The following SPTAN1 variants were observed in gnomAD, a reference collection of about 807,000 sequenced individuals.
SPTAN1 encodes the protein spectrin alpha, non-erythrocytic 1.
SPTAN1 carries 61 observed loss-of-function variants against 331.3 expected under a neutral mutation model. That is an observed-to-expected ratio of 0.18 (90% CI 0.15 to 0.23). SPTAN1 has a LOEUF of 0.23. SPTAN1 is among the 10% of genes least tolerant of loss of function. The pLI is 1.00. For missense variants in SPTAN1, 2,043 were observed against 3,147.9 expected, an observed-to-expected ratio of 0.65 and a Z score of 8.40; for synonymous variants, 1,153 against 1,173.9, an observed-to-expected ratio of 0.98 and a Z score of 0.36.
At chr9:128,615,538 C>T (rs1428980699) in intron 40 of SPTAN1, 94 bp from the exon 41 acceptor site, 4 of 1,308,860 alleles carry the variant, frequency 3.1e-6, no homozygotes, top group Non-Finnish European at 3.3e-6. Flanking sequence ...AATATCAACA[C>T]TCCACATCTC....
rs555670579 is a variant in SPTAN1, at chr9:128,632,095, C to T, written c.6763-32C>T. ...GGCTGGTGACTGAGCTGAGGGCCCCCGTCTGAGCATCTGTGCTCCCCACCC... is the reference window on the plus strand; with the variant it reads ...GGCTGGTGACTGAGCTGAGGGCCCCTGTCTGAGCATCTGTGCTCCCCACCC... On this transcript the variant is annotated intron_variant, in intron 52 of 56. Transcript: ENST00000372739. 138 of 1,607,936 alleles carry T rather than the reference C, an allele frequency of 8.6e-5. 1 individual carries two copies. The East Asian group carries it at 1.7e-3, about 20-fold the overall frequency.
chr9:128,574,938 G>A (rs866537950), intron 4 of SPTAN1, 123 bp downstream of exon 4: 1 of 1,453,182 alleles, frequency 6.9e-7, no homozygotes, highest in South Asian at 1.2e-5. Context: ...AAGGGTGGAA[G>A]TGGGGTTGCT....
intron 40 of SPTAN1, 25 bp from the exon 41 acceptor site, chr9:128,615,607 G>A (rs1857071461): frequency 6.2e-7 from 1 of 1,613,084 alleles, no homozygotes; most frequent in Non-Finnish European, 8.5e-7. Context: ...CCCAGTTTCT[G>A]ACCCTCTTAT....
Position 128,574,981 on chromosome 9 carries a change from A to G in SPTAN1, c.504+166A>G, listed in dbSNP as rs78197797. Among the ~76,000 whole-genome samples the G allele has an allele frequency of 4.3e-3, 621 of 145,246 alleles. 2 individuals are homozygous for G. The highest frequency in any genetic ancestry group is 7.4e-3 in the Non-Finnish European group (470 of 63,132). ...CAGCTGCTCTCTAGGTGTATGTGCT[A>G]TTCTGTAACTCTGAAGCCTGGAGTC... On this transcript the variant is annotated intron_variant, in intron 4 of 56. Transcript: ENST00000372739.
In SPTAN1 at chr9:128,611,769, G is replaced by A. The variant is rs1564286745; in HGVS notation, c.4829G>A (p.Arg1610Gln). The change falls in exon 38 of 57, where the codon CGG (arginine) becomes CAG (glutamine). Residue 1610 changes from arginine to glutamine, a missense_variant. Arg to Gln is a conservative substitution (Grantham distance 43). Coordinates refer to ENST00000372739, the MANE Select transcript of SPTAN1 (RefSeq NM_001130438.3). ...FEAELHANAD[R>Q]IRGVIDMGNS... is the part of the protein sequence containing the mutation. ...GCAGAGCTGCATGCCAACGCTGACC[G>A]GATCCGTGGGGTTATCGACATGGGC... 6.2e-7 allele frequency: 1 copy of A among 1,614,114 alleles called. No individual in the cohort carries two copies. The highest frequency in any genetic ancestry group is 8.5e-7 in the Non-Finnish European group (1 of 1,180,036).
intron 9 of SPTAN1, 23 bp from the exon 10 acceptor site, chr9:128,579,614 G>A (rs1428610072): frequency 1.3e-6 from 2 of 1,589,118 alleles, no homozygotes; most frequent in South Asian, 1.1e-5. Flanking sequence ...CACAAATCAT[G>A]GCTTTGTTTT....
chr9:128,607,801 C>T, intron 32 of SPTAN1, 51 bp from the exon 33 acceptor site: 12 of 1,611,900 alleles, frequency 7.4e-6, no homozygotes, highest in Non-Finnish European at 1.0e-5. Context: ...TGGTTGACGT[C>T]AGAGTGGGCA....
chr9:128,585,660 C>T, intron 18 of SPTAN1, 88 bp from the exon 19 acceptor site: 2 of 1,086,014 alleles, frequency 1.8e-6, no homozygotes, highest in Admixed American at 1.7e-5. Flanking sequence ...AATGAAAGTG[C>T]CGTGAACACA....
intron 27 of SPTAN1, among the ~76,000 whole-genome samples, chr9:128,603,201 G>A (rs1256148407): frequency 4.0e-5 from 6 of 151,184 alleles, no homozygotes; most frequent in East Asian, 1.9e-4. Flanking sequence ...TTTTTTTTCC[G>A]GAATGTTCTC....
In SPTAN1 at chr9:128,577,428, G is replaced by A. The variant is rs796930106; in HGVS notation, c.1007G>A (p.Arg336Gln). Residue 336 changes from arginine (R) to glutamine (Q), a missense_variant, in exon 8 of 57, where the codon CGA (arginine) becomes CAA (glutamine). Arg to Gln is a conservative substitution (Grantham distance 43, BLOSUM62 1). Coordinates refer to ENST00000372739, the MANE Select transcript of SPTAN1 (RefSeq NM_001130438.3). The surrounding 1 kb of genome is among the most constrained non-coding windows in gnomAD (Gnocchi z 4.2). ...PLSATQIQVKREELITNWEQI... is the reference protein window; with the variant it reads ...PLSATQIQVKQEELITNWEQI... ...AGTGCAACACAGATTCAAGTGAAGC[G>A]AGAGGAACTGATTACAAACTGGGAG... 9.3e-6 allele frequency: 15 copies of A among 1,614,090 alleles called. No individual in the cohort carries two copies. The highest frequency in any genetic ancestry group is 4.5e-5 in the East Asian group (2 of 44,900).
rs556644627 is a variant in SPTAN1, at chr9:128,578,636, C to T, written c.1221+391C>T. Among the ~76,000 whole-genome samples, 6 of 152,182 alleles carry T rather than the reference C, an allele frequency of 3.9e-5. No individual in the cohort carries two copies. The South Asian group carries it at 6.2e-4, about 16-fold the overall frequency. On this transcript the variant is annotated intron_variant, in intron 9 of 56. Transcript: ENST00000372739. ...ATGAGGTCAAGAGATCAAGACCATC[C>T]ATGCCAACATGGTGAAACCCCATCT...
In SPTAN1 at chr9:128,627,032, T is replaced by TC. The variant is rs1715942598; in HGVS notation, c.6576+346dup. On this transcript the variant is annotated intron_variant, in intron 49 of 56. Coordinates refer to ENST00000372739, the MANE Select transcript of SPTAN1 (RefSeq NM_001130438.3). This position sits in a 1 kb window ranked among gnomAD's most constrained non-coding sequence, Gnocchi z 4.9. ...GTTGCTATGTTGCCCAGGCTGGTCTTCAACTCCTGGCCTCAAGCAGTCCTC... is the reference window on the plus strand; with the variant it reads ...GTTGCTATGTTGCCCAGGCTGGTCTTCCAACTCCTGGCCTCAAGCAGTCCTC... 5.5e-6 allele frequency: 3 copies of TC among 545,580 alleles called. No individual in the cohort carries two copies. Among genetic ancestry groups the TC allele is most frequent in the African/African-American group, 1.9e-5 (1 of 53,408 alleles). 33.8% of individuals were successfully genotyped at this position (545,580 alleles called of 1,614,324 possible).
chr9:128,600,449 T>C (rs946475497), intron 27 of SPTAN1, among the ~76,000 whole-genome samples: 2 of 152,158 alleles, frequency 1.3e-5, no homozygotes, highest in African/African-American at 2.4e-5. Flanking sequence ...CAACTACACA[T>C]GTAAAGGAGG....
At chr9:128,630,423 A>G (rs374718055) in intron 52 of SPTAN1, 48 bp downstream of exon 52, 7 of 1,595,284 alleles carry the variant, frequency 4.4e-6, no homozygotes, top group African/African-American at 1.3e-5. Context: ...TCACCCAGCC[A>G]CCCCCCAGGG....
chr9:128,615,416 T>A (rs751220762), intron 40 of SPTAN1, among the ~76,000 whole-genome samples: 12 of 152,186 alleles, frequency 7.9e-5, no homozygotes, highest in Non-Finnish European at 1.8e-4. Flanking sequence ...CCTCCATTGC[T>A]TTTGTACTAT....
chr9:128,587,330 C>G (rs977449034), intron 19 of SPTAN1, among the ~76,000 whole-genome samples: 5 of 152,226 alleles, frequency 3.3e-5, no homozygotes, highest in Admixed American at 2.6e-4. Context: ...AGCTGTCTGC[C>G]TGCCTCAGCC....
intron 41 of SPTAN1, among the ~76,000 whole-genome samples, 153 bp downstream of exon 41, chr9:128,615,993 C>G (rs1023528104): frequency 6.6e-6 from 1 of 152,156 alleles, no homozygotes; most frequent in African/African-American, 2.4e-5. Flanking sequence ...GTGTCTTCTG[C>G]TTTCCGGGTT....
intron 56 of SPTAN1, 51 bp downstream of exon 56, chr9:128,633,006 C>G: frequency 5.0e-6 from 8 of 1,605,210 alleles, no homozygotes; most frequent in Non-Finnish European, 6.8e-6. Context: ...AAACTAAAGC[C>G]AAATTTGTGG....
In SPTAN1 at chr9:128,596,816, G is replaced by A. The variant is rs142591751; in HGVS notation, c.3415-1584G>A. On this transcript the variant is annotated intron_variant, in intron 24 of 56. Coordinates refer to ENST00000372739, the MANE Select transcript of SPTAN1 (RefSeq NM_001130438.3). ...AGTGATCCTCCCACCTCAGCCACCC[G>A]AGTGGCTGGGACTATGCACATAGGC... Among the ~76,000 whole-genome samples the A allele has an allele frequency of 2.8e-3, 425 of 152,216 alleles. 10 individuals carry two copies. In the East Asian group the frequency reaches 0.04, roughly 14 times the overall value.
Sources: gnomAD v4.1 joint callset for allele counts (sites outside exome capture counted in the v4.1 genomes callset) on GRCh38, gnomAD v4.1.1 for gene constraint, Gnocchi (gnomAD v3.1) non-coding constraint, MANE v1.5 for transcripts, NCBI Gene and HGNC (gene_info 2026-07-23, HGNC 2026-07-21) for gene names.